Variants in CERS6 observed in about 807,000 individuals in gnomAD.
The protein encoded by CERS6 is ceramide synthase 6, also known as LAG1 homolog, ceramide synthase 6.
CERS6 carries 26 observed loss-of-function variants against 56.8 expected under a neutral mutation model. The observed-to-expected ratio is 0.46, with a 90% CI of 0.34 to 0.63. The LOEUF (loss-of-function observed/expected upper bound fraction) is 0.63. CERS6 is among the 30% of genes least tolerant of loss of function. The pLI, the probability that CERS6 is intolerant of heterozygous loss-of-function variation, is 0.01. For missense variants in CERS6, 415 were observed against 467.5 expected (o/e 0.89, Z 1.04); for synonymous variants, 164 against 173.3 (o/e 0.95, Z 0.42).
At chr2:168,626,144 G>GA (rs958405890) in intron 3 of CERS6, among the ~76,000 whole-genome samples, 5 of 150,572 alleles carry the variant, frequency 3.3e-5, no homozygotes, top group East Asian at 1.9e-4. Flanking sequence ...CCTCATCAGG[G>GA]AAAAAAAAAT....
intron 3 of CERS6, among the ~76,000 whole-genome samples, chr2:168,590,441 T>G (rs535503520): frequency 6.6e-6 from 1 of 152,334 alleles, no homozygotes; most frequent in African/African-American, 2.4e-5. Context: ...AAATATACAT[T>G]GTGGGTAATT....
intron 1 of CERS6, among the ~76,000 whole-genome samples, chr2:168,476,911 T>C (rs1411342524): frequency 6.6e-6 from 1 of 152,110 alleles, no homozygotes; most frequent in East Asian, 1.9e-4. Context: ...AAATAATGCT[T>C]TACCAGTTCT....
At chr2:168,625,061 T>G (rs1268000026) in intron 3 of CERS6, among the ~76,000 whole-genome samples, 1 of 152,194 alleles carries the variant, frequency 6.6e-6, no homozygotes, top group African/African-American at 2.4e-5. Flanking sequence ...AGAAAAATTT[T>G]AATGTCATAG....
chr2:168,746,600 A>G (rs1684102602), intron 8 of CERS6, among the ~76,000 whole-genome samples: 1 of 151,502 alleles, frequency 6.6e-6, no homozygotes, highest in African/African-American at 2.4e-5. Context: ...ATACTTACAC[A>G]TAGGAATGTT....
intron 1 of CERS6, among the ~76,000 whole-genome samples, chr2:168,464,390 A>C (rs1693834084): frequency 1.3e-5 from 2 of 151,998 alleles, no homozygotes; most frequent in African/African-American, 2.4e-5. Context: ...CGAACTCTTG[A>C]TCTCAAGTGA....
At chr2:168,604,394 T>C in intron 3 of CERS6, among the ~76,000 whole-genome samples, 1 of 134,872 alleles carries the variant, frequency 7.4e-6, no homozygotes, top group African/African-American at 3.1e-5. Flanking sequence ...TGTATACGTG[T>C]GTGTGTGTGT....
At chr2:168,579,919 A>T (rs2105395157) in intron 3 of CERS6, among the ~76,000 whole-genome samples, 1 of 151,976 alleles carries the variant, frequency 6.6e-6, no homozygotes, top group East Asian at 1.9e-4. Context: ...CACATTTTCA[A>T]CTTTCTGCAT....
At chr2:168,556,458 CA>C (rs1695680225) in intron 2 of CERS6, among the ~76,000 whole-genome samples, 1 of 152,154 alleles carries the variant, frequency 6.6e-6, no homozygotes. Flanking sequence ...GTTTCTGCTA[CA>C]TGACAGATGT....
At chr2:168,530,883 T>G (rs1274784260) in intron 1 of CERS6, among the ~76,000 whole-genome samples, 1 of 152,220 alleles carries the variant, frequency 6.6e-6, no homozygotes, top group Non-Finnish European at 1.5e-5. Flanking sequence ...CTATTTAAGA[T>G]TAAGCTATGA....
chr2:168,584,071 C>T (rs538516242), intron 3 of CERS6, among the ~76,000 whole-genome samples: 2 of 152,176 alleles, frequency 1.3e-5, no homozygotes, highest in African/African-American at 2.4e-5. Context: ...AGTTTACCCA[C>T]GATAGGTAGT....
chr2:168,484,248 C>G (rs1405050767), intron 1 of CERS6, among the ~76,000 whole-genome samples: 2 of 119,102 alleles, frequency 1.7e-5, no homozygotes, highest in African/African-American at 6.3e-5. Flanking sequence ...ATGGCGTGAT[C>G]TCAGCTTACC....
intron 3 of CERS6, among the ~76,000 whole-genome samples, chr2:168,621,974 A>G (rs1684481462): frequency 6.6e-6 from 1 of 152,352 alleles, no homozygotes; most frequent in African/African-American, 2.4e-5. Context: ...AGACGTAGTC[A>G]TTTAATACAT....
chr2:168,615,678 G>A (rs1335225596), intron 3 of CERS6, among the ~76,000 whole-genome samples: 1 of 152,100 alleles, frequency 6.6e-6, no homozygotes, highest in Admixed American at 6.6e-5. Context: ...AAAGAAAAAA[G>A]ACTAAGAAAA....
intron 3 of CERS6, among the ~76,000 whole-genome samples, chr2:168,614,274 A>G (rs1215850628): frequency 2.0e-5 from 3 of 152,270 alleles, no homozygotes; most frequent in Non-Finnish European, 2.9e-5. Context: ...ACATATTTTC[A>G]TAATATACAT....
intron 3 of CERS6, among the ~76,000 whole-genome samples, chr2:168,598,359 G>A (rs538166319): frequency 3.0e-4 from 45 of 151,938 alleles, no homozygotes; most frequent in African/African-American, 8.9e-4. Context: ...CATATCTTCA[G>A]TTTATACGTG....
intron 7 of CERS6, among the ~76,000 whole-genome samples, chr2:168,716,798 T>C (rs1044841983): frequency 6.6e-6 from 1 of 152,162 alleles, no homozygotes; most frequent in African/African-American, 2.4e-5. Flanking sequence ...AATCCTAACT[T>C]CCACCCAGTT....
chr2:168,582,017 C>T (rs570706257), intron 3 of CERS6, among the ~76,000 whole-genome samples: 85 of 152,318 alleles, frequency 5.6e-4, no homozygotes, highest in African/African-American at 1.9e-3. Flanking sequence ...ACCGTAACCA[C>T]CTTGGTCATG....
At chr2:168,734,694 AACTCATTCTATATC>A (rs1288210370) in intron 8 of CERS6, among the ~76,000 whole-genome samples, 1 of 152,246 alleles carries the variant, frequency 6.6e-6, no homozygotes, top group Non-Finnish European at 1.5e-5. Context: ...AGTGATGATG[AACTCATTCTATATC>A]ACTTTGGTTT....
At chr2:168,491,203 A>G (rs547100084) in intron 1 of CERS6, among the ~76,000 whole-genome samples, 57 of 152,346 alleles carry the variant, frequency 3.7e-4, no homozygotes, top group African/African-American at 1.3e-3. Flanking sequence ...AAACAGGGTT[A>G]CCACATCTGC....
Sources: gnomAD v4.1 joint callset for allele counts (sites outside exome capture counted in the v4.1 genomes callset) on GRCh38, gnomAD v4.1.1 for gene constraint, MANE v1.5 for transcripts, NCBI Gene and HGNC (gene_info 2026-07-23, HGNC 2026-07-21) for gene names.